The following BRAF variants were observed in gnomAD, a reference collection of about 807,000 sequenced individuals.
BRAF encodes the protein B-Raf proto-oncogene, serine/threonine kinase.
In BRAF, 16 loss-of-function variants were observed where a neutral mutation model predicts 104.6. That is an observed-to-expected ratio of 0.15 (90% CI 0.10 to 0.23). The LOEUF (loss-of-function observed/expected upper bound fraction) is 0.23. Ranked by LOEUF, BRAF falls within the 10% of genes least tolerant of loss-of-function variation. The pLI is 1.00. For missense variants in BRAF, 541 were observed against 937.3 expected (o/e 0.58, Z 5.52); for synonymous variants, 310 against 341.6 (o/e 0.91, Z 1.02).
chr7:140,759,034 T>C (rs962662123), intron 14 of BRAF, among the ~76,000 whole-genome samples: 5 of 152,246 alleles, frequency 3.3e-5, no homozygotes, highest in South Asian at 2.1e-4. Flanking sequence ...CTGGCTTCTT[T>C]TGCGCAGCAA....
At chr7:140,726,610 C>T (rs1464513497) in intron 19 of BRAF, 1 of 1,104,836 alleles carries the variant, frequency 9.1e-7, no homozygotes, top group Non-Finnish European at 1.3e-6. Context: ...TGAAAAGTAA[C>T]TAGTTATATA....
chr7:140,871,239 C>CAAAAAA (rs11284186), intron 1 of BRAF, among the ~76,000 whole-genome samples: 1 of 61,180 alleles, frequency 1.6e-5, no homozygotes, highest in Non-Finnish European at 3.3e-5. Flanking sequence ...GACTCCGTCT[C>CAAAAAA]AAAAAAAAAA....
chr7:140,824,625 T>C (rs1805816330), intron 3 of BRAF, among the ~76,000 whole-genome samples: 1 of 151,960 alleles, frequency 6.6e-6, no homozygotes, highest in East Asian at 1.9e-4. Context: ...ACGGTATGAA[T>C]TTTAGGACGG....
chr7:140,924,436 C>A lies in BRAF; in HGVS notation c.138+130G>T. 1 of 1,371,908 alleles carries A rather than the reference C, an allele frequency of 7.3e-7. No homozygotes were observed. The highest frequency in any genetic ancestry group is 9.9e-7 in the Non-Finnish European group (1 of 1,007,632). The allele number at this position is 1,371,908 out of a possible 1,614,324, so 85.0% of individuals were successfully genotyped here. A position where few individuals can be genotyped will look rare whatever the true frequency, so the allele number is the denominator to read the frequency against. On this transcript the variant is annotated intron_variant, in intron 1 of 19. Transcript: ENST00000644969. The surrounding 1 kb of genome is among the most constrained non-coding windows in gnomAD (Gnocchi z 4.2). The stretch of plus-strand genomic sequence containing the variant: ...GGACACGGGGGCGATGCCCACCTCC[C>A]AGCCCGCGGAGCTGGCCCGAGAAGG...
At chr7:140,847,083 A>C (rs901885423) in intron 2 of BRAF, among the ~76,000 whole-genome samples, 3 of 152,094 alleles carry the variant, frequency 2.0e-5, no homozygotes, top group African/African-American at 7.2e-5. Context: ...TGAACCCAGG[A>C]GAGGAGGCTG....
intron 17 of BRAF, 86 bp downstream of exon 16, chr7:140,749,201 T>C (rs1194609084): frequency 4.5e-6 from 7 of 1,568,120 alleles, no homozygotes; most frequent in Non-Finnish European, 6.1e-6. Flanking sequence ...TCCTTCACGC[T>C]TACCCAGGAG....
intron 3 of BRAF, chr7:140,824,331 A>G (rs1805779654): frequency 2.0e-5 from 3 of 152,328 alleles, no homozygotes; most frequent in Admixed American, 2.0e-4. Context: ...TGTACATGGT[A>G]TAAGGGAAGG....
intron 12 of BRAF, chr7:140,779,922 A>T (rs1195890587): frequency 6.6e-6 from 1 of 152,218 alleles, no homozygotes; most frequent in Non-Finnish European, 1.5e-5. Context: ...ACAGAGCGAG[A>T]CCTTGTCTCA....
intron 14 of BRAF, among the ~76,000 whole-genome samples, chr7:140,769,305 T>C (rs1799618812): frequency 6.6e-6 from 1 of 152,126 alleles, no homozygotes; most frequent in African/African-American, 2.4e-5. Flanking sequence ...CTCGAACTCC[T>C]GTCCTCAAGT....
intron 6 of BRAF, chr7:140,801,132 CCTAGAAA>C (rs967624888): frequency 5.7e-5 from 19 of 331,772 alleles, no homozygotes; most frequent in Admixed American, 1.4e-4. Context: ...TCCCTCTCCT[CCTAGAAA>C]CTATCCAAAA....
intron 1 of BRAF, among the ~76,000 whole-genome samples, chr7:140,853,656 CT>C (rs1355805118): frequency 1.3e-5 from 2 of 152,218 alleles, no homozygotes; most frequent in Non-Finnish European, 2.9e-5. Context: ...GTTCATTCAT[CT>C]CTTTATCCCA....
chr7:140,822,671 C>T lies in BRAF; in HGVS notation c.504+11938G>A, dbSNP rs543977288. ...ATAGATACACCACAATCCAACCATT[C>T]ACCTGTTTATGGACATTTGGGTTAT... On this transcript the variant is annotated intron_variant, in intron 3 of 19. Coordinates refer to ENST00000644969, the MANE Select transcript of BRAF (RefSeq NM_001374258.1). Among the ~76,000 whole-genome samples, 52 of 152,312 alleles carry T rather than the reference C, an allele frequency of 3.4e-4. 1 individual carries two copies. Among genetic ancestry groups the T allele is most frequent in the African/African-American group, 1.2e-3 (51 of 41,550 alleles).
At chr7:140,792,839 A>C in intron 8 of BRAF, among the ~76,000 whole-genome samples, 1 of 152,240 alleles carries the variant, frequency 6.6e-6, no homozygotes, top group African/African-American at 2.4e-5. Flanking sequence ...AACATGAATA[A>C]AAATGCTAAA....
chr7:140,745,121 T>C (rs1216351786), intron 17 of BRAF, among the ~76,000 whole-genome samples: 1 of 152,150 alleles, frequency 6.6e-6, no homozygotes, highest in Non-Finnish European at 1.5e-5. Flanking sequence ...TTAATAGGCA[T>C]AAAATCGGTA....
chr7:140,864,644 T>C (rs1243632983), intron 1 of BRAF, among the ~76,000 whole-genome samples: 1 of 152,090 alleles, frequency 6.6e-6, no homozygotes, highest in African/African-American at 2.4e-5. Flanking sequence ...GGAAAAAATA[T>C]TCAGTTAAGA....
intron 3 of BRAF, among the ~76,000 whole-genome samples, chr7:140,823,173 A>C (rs1805662560): frequency 6.6e-6 from 1 of 152,210 alleles, no homozygotes; most frequent in Non-Finnish European, 1.5e-5. Flanking sequence ...TTATGGTAAA[A>C]TATATCTAAC....
intron 1 of BRAF, among the ~76,000 whole-genome samples, chr7:140,897,533 G>C (rs968742082): frequency 9.2e-6 from 1 of 108,304 alleles, no homozygotes; most frequent in Non-Finnish European, 1.7e-5. Flanking sequence ...GTCTTGCTCT[G>C]TCGCCAGGCT....
intron 1 of BRAF, among the ~76,000 whole-genome samples, chr7:140,857,256 T>A (rs1809890233): frequency 1.3e-5 from 2 of 152,102 alleles, no homozygotes. Context: ...ACCTTGAAGA[T>A]GGAGGAGGTG....
At chr7:140,714,587 G>A (rs1221848664), downstream of BRAF, among the ~76,000 whole-genome samples, 5 of 152,084 alleles carry the variant, frequency 3.3e-5, no homozygotes, top group Non-Finnish European at 5.9e-5. Context: ...TCTTGAAGTC[G>A]AGGCCTCAAG....
Sources: allele counts gnomAD v4.1 joint callset (sites outside exome capture counted in the v4.1 genomes callset), GRCh38; gene constraint gnomAD v4.1.1; non-coding constraint Gnocchi (gnomAD v3.1); transcripts MANE v1.5; gene names NCBI Gene and HGNC (gene_info 2026-07-23, HGNC 2026-07-21).